The following SCMH1 variants were observed in gnomAD, a reference collection of about 807,000 sequenced individuals.
SCMH1 encodes Scm polycomb group protein homolog 1.
SCMH1 carries 37 observed loss-of-function variants against 70.8 expected under a neutral mutation model. The ratio of observed to expected loss-of-function variants is 0.52; its 90% confidence interval spans 0.40 to 0.69. The LOEUF (loss-of-function observed/expected upper bound fraction) is 0.69, where lower values mean the gene tolerates loss of function less well. Among genes scored for constraint, SCMH1 ranks in the 30% least tolerant of loss-of-function variants. The pLI, the probability that SCMH1 is intolerant of heterozygous loss-of-function variation, is 0.00. For synonymous variants in SCMH1, 292 were observed against 307.4 expected (o/e 0.95, Z 0.52); for missense variants, 607 against 827.3 (o/e 0.73, Z 3.27).
intron 2 of SCMH1, among the ~76,000 whole-genome samples, chr1:41,181,905 T>A (rs1434405002): frequency 6.6e-6 from 1 of 152,182 alleles, no homozygotes; most frequent in Non-Finnish European, 1.5e-5. Context: ...CACACGTATG[T>A]TTATTGCGGC....
intron 6 of SCMH1, among the ~76,000 whole-genome samples, chr1:41,135,403 T>C (rs1270545704): frequency 6.6e-6 from 1 of 152,188 alleles, no homozygotes; most frequent in African/African-American, 2.4e-5. Flanking sequence ...GTTTCCCCTA[T>C]GCTATTCTCA....
chr1:41,208,281 TC>T (rs1656064293), intron 1 of SCMH1, among the ~76,000 whole-genome samples: 1 of 89,116 alleles, frequency 1.1e-5, no homozygotes, highest in Non-Finnish European at 2.2e-5. Context: ...TGTGGTGGGG[TC>T]GGGGGAGGGG....
At chr1:41,090,413 C>T (rs903345402) in intron 8 of SCMH1, among the ~76,000 whole-genome samples, 13 of 151,938 alleles carry the variant, frequency 8.6e-5, no homozygotes, top group African/African-American at 1.9e-4. Flanking sequence ...TGTTGCCATA[C>T]GTAATTTTTG....
At chr1:41,047,125 G>A (rs984174765) in intron 11 of SCMH1, among the ~76,000 whole-genome samples, 1 of 152,164 alleles carries the variant, frequency 6.6e-6, no homozygotes, top group African/African-American at 2.4e-5. Flanking sequence ...CTATAAAAAT[G>A]TATCAGTATA....
chr1:41,097,019 A>C (rs1665265092), intron 8 of SCMH1, among the ~76,000 whole-genome samples: 1 of 152,226 alleles, frequency 6.6e-6, no homozygotes, highest in South Asian at 2.1e-4. Flanking sequence ...AATATGTCTA[A>C]GTATACAAAA....
At chr1:41,176,818 C>A (rs889030741) in intron 2 of SCMH1, among the ~76,000 whole-genome samples, 12 of 152,226 alleles carry the variant, frequency 7.9e-5, no homozygotes, top group African/African-American at 2.9e-4. Flanking sequence ...GACTCCACCT[C>A]TCAGGGCAGG....
chr1:41,160,950 C>T (rs2148423912), intron 3 of SCMH1, 52 bp from the exon 4 acceptor site: 2 of 1,502,124 alleles, frequency 1.3e-6, no homozygotes, highest in Non-Finnish European at 1.8e-6. Flanking sequence ...AACATACCAA[C>T]ATGATGGAAG....
At chr1:41,216,773 T>C (rs951487655) in intron 1 of SCMH1, among the ~76,000 whole-genome samples, 5 of 152,220 alleles carry the variant, frequency 3.3e-5, no homozygotes, top group Admixed American at 2.6e-4. Context: ...CACCGATGAC[T>C]ATAGTACCTC....
chr1:41,139,727 A>C (rs1209278039), intron 6 of SCMH1, among the ~76,000 whole-genome samples: 2 of 152,154 alleles, frequency 1.3e-5, no homozygotes, highest in Non-Finnish European at 2.9e-5. Flanking sequence ...CACATGCCTA[A>C]ATTTTTTATA....
chr1:41,104,831 G>A (rs1667481759), intron 8 of SCMH1, among the ~76,000 whole-genome samples: 1 of 152,108 alleles, frequency 6.6e-6, no homozygotes, highest in South Asian at 2.1e-4. Flanking sequence ...CAGGTGTAGA[G>A]GTGTACATGT....
intron 2 of SCMH1, among the ~76,000 whole-genome samples, chr1:41,163,867 G>A (rs1176184836): frequency 3.3e-5 from 5 of 152,094 alleles, no homozygotes; most frequent in Non-Finnish European, 7.4e-5. Context: ...TAAACAACTG[G>A]TTATCTTTGG....
intron 6 of SCMH1, among the ~76,000 whole-genome samples, chr1:41,134,166 G>T (rs1642872785): frequency 6.6e-6 from 1 of 152,098 alleles, no homozygotes; most frequent in African/African-American, 2.4e-5. Flanking sequence ...CACATAAACA[G>T]AACCAATGAC....
chr1:41,077,682 C>CA lies in SCMH1; in HGVS notation c.746-2232dup, dbSNP rs1039913577. ...CCAAGAGCCCAAGAGGGTCCGTGTCCAAAAAACAAGCATAAACCATAGGCA... is the reference window on the plus strand; with the variant it reads ...CCAAGAGCCCAAGAGGGTCCGTGTCCAAAAAAACAAGCATAAACCATAGGCA... On this transcript the variant is annotated intron_variant, in intron 8 of 14. Transcript: ENST00000337495. Among the ~76,000 whole-genome samples the CA allele has an allele frequency of 4.2e-4, 64 of 152,074 alleles. 1 individual carries two copies. In the South Asian group the frequency reaches 4.4e-3, roughly 10 times the overall value.
Position 41,161,434 on chromosome 1 carries a change from T to G in SCMH1, c.14-2A>C. ...TTCTAACATCACTCCAGTCTATCACTGCAGAGGGAGAGAAAAATAGTCATG... is the reference window on the plus strand; with the variant it reads ...TTCTAACATCACTCCAGTCTATCACGGCAGAGGGAGAGAAAAATAGTCATG... On this transcript the variant is annotated splice_acceptor_variant, in intron 2 of 14. Transcript: ENST00000337495. LOFTEE classifies it high-confidence loss of function. 1 of 1,545,054 alleles carries G rather than the reference T, an allele frequency of 6.5e-7. No individual in the cohort carries two copies.
chr1:41,101,795 T>C (rs1012666365), intron 8 of SCMH1, among the ~76,000 whole-genome samples: 3 of 152,218 alleles, frequency 2.0e-5, no homozygotes, highest in African/African-American at 4.8e-5. Context: ...TACTTGGATA[T>C]TTTAAAAATG....
At chr1:41,082,865 G>A (rs1277762544) in intron 8 of SCMH1, among the ~76,000 whole-genome samples, 7 of 152,078 alleles carry the variant, frequency 4.6e-5, no homozygotes, top group African/African-American at 7.2e-5. Flanking sequence ...CAGAACCATC[G>A]ACAAAAACCA....
intron 2 of SCMH1, among the ~76,000 whole-genome samples, chr1:41,178,592 C>A (rs2148576587): frequency 6.6e-6 from 1 of 152,204 alleles, no homozygotes; most frequent in Non-Finnish European, 1.5e-5. Context: ...ATCCTAGTCT[C>A]TGATAAAACA....
At chr1:41,077,530 TCTC>T (rs1378356578) in intron 8 of SCMH1, among the ~76,000 whole-genome samples, 5 of 152,140 alleles carry the variant, frequency 3.3e-5, no homozygotes, top group African/African-American at 4.8e-5. Context: ...ACATGGCTGA[TCTC>T]CTCTTAAAGA....
chr1:41,120,494 A>C (rs1385606654), intron 6 of SCMH1, among the ~76,000 whole-genome samples: 1 of 152,134 alleles, frequency 6.6e-6, no homozygotes, highest in Non-Finnish European at 1.5e-5. Context: ...TTGGATACCA[A>C]ACTTTGTGGT....
Sources: allele counts gnomAD v4.1 joint callset (sites outside exome capture counted in the v4.1 genomes callset), GRCh38; gene constraint gnomAD v4.1.1; transcripts MANE v1.5; gene names NCBI Gene and HGNC (gene_info 2026-07-23, HGNC 2026-07-21).